The following HECTD4 variants were observed in gnomAD, a reference collection of about 807,000 sequenced individuals.
HECTD4 encodes the protein HECT domain E3 ubiquitin protein ligase 4.
In HECTD4, 114 loss-of-function variants were observed where a neutral mutation model predicts 471.5. The observed-to-expected ratio is 0.24, with a 90% confidence interval of 0.21 to 0.28. The LOEUF (loss-of-function observed/expected upper bound fraction) is 0.28, where lower values mean the gene tolerates loss of function less well. Among genes scored for constraint, HECTD4 ranks in the 10% least tolerant of loss-of-function variants. The pLI, the probability that HECTD4 is intolerant of heterozygous loss-of-function variation, is 1.00. For synonymous variants in HECTD4, 2,012 were observed against 2,256.0 expected (o/e 0.89, Z 3.07); for missense variants, 3,866 against 5,651.5 (o/e 0.68, Z 10.13).
Position 112,224,060 on chromosome 12 carries a change from C to CT in HECTD4, c.6970+2582dup, listed in dbSNP as rs768322511. The stretch of plus-strand genomic sequence containing the variant: ...TTTCTACCTACTCCTCACCTTGAAT[C>CT]TTATTTATTAAACAGCTTTTCTCCT... On this transcript the variant is annotated intron_variant, in intron 44 of 75. Coordinates refer to ENST00000682272, the MANE Select transcript of HECTD4 (RefSeq NM_001388303.1). Among the ~76,000 whole-genome samples the CT allele has an allele frequency of 2.0e-5, 3 of 152,172 alleles. No individual in the cohort carries two copies. In the South Asian group the frequency reaches 6.2e-4, roughly 32 times the overall value.
intron 1 of HECTD4, among the ~76,000 whole-genome samples, chr12:112,359,155 C>G (rs1241763867): frequency 6.6e-6 from 1 of 151,670 alleles, no homozygotes. Flanking sequence ...TGCACTCCAG[C>G]CTGGGCAACA....
At chr12:112,241,521 G>T (rs2033641814) in intron 32 of HECTD4, among the ~76,000 whole-genome samples, 1 of 152,140 alleles carries the variant, frequency 6.6e-6, no homozygotes, top group African/African-American at 2.4e-5. Context: ...GTGCAGGGTG[G>T]TGCGATCACA....
rs2030992248 is a variant in HECTD4 at position 112,166,976 on chromosome 12, GA to G, written c.12534+340del. On this transcript the variant is annotated intron_variant, in intron 72 of 75. Coordinates refer to ENST00000682272, the MANE Select transcript of HECTD4 (RefSeq NM_001388303.1). This position sits in a 1 kb window ranked among gnomAD's most constrained non-coding sequence, Gnocchi z 4.6. ...GCTGACTCCTGTGCTCTGAGTCCCT[GA>G]AAAAACTCTTAACCTTCACCCCTAC... is the stretch of plus-strand genomic sequence containing the variant. 1.5e-5 allele frequency: 3 copies of G among 206,612 alleles called. No individual in the cohort carries two copies. The South Asian group carries it at 4.0e-4, about 27-fold the overall frequency. The allele number at this position is 206,612 out of a possible 1,614,324, so 12.8% of individuals were successfully genotyped here.
chr12:112,347,871 T>C (rs1220204099), intron 1 of HECTD4, among the ~76,000 whole-genome samples: 1 of 152,216 alleles, frequency 6.6e-6, no homozygotes, highest in African/African-American at 2.4e-5. Flanking sequence ...CCAGATGAAC[T>C]GTACACACAT....
In HECTD4 at chr12:112,248,051, C is replaced by G; in HGVS notation, c.4248+16G>C. The G allele has an allele frequency of 6.3e-7, 1 of 1,586,874 alleles. No individual in the cohort carries two copies. Among genetic ancestry groups the G allele is most frequent in the Non-Finnish European group, 8.6e-7 (1 of 1,158,234 alleles). On this transcript the variant is annotated intron_variant, in intron 27 of 75. Coordinates refer to ENST00000682272, the MANE Select transcript of HECTD4 (RefSeq NM_001388303.1). ...AAATGGCAATACCCCAGTGACAAAT[C>G]ATACAATTTGCTCACCTCATTAAAA...
chr12:112,252,973 C>A (rs955749659), intron 22 of HECTD4, among the ~76,000 whole-genome samples: 1 of 151,904 alleles, frequency 6.6e-6, no homozygotes, highest in East Asian at 1.9e-4. Context: ...CCATGCCCAG[C>A]TAATTTTTTT....
chr12:112,253,972 T>C, intron 22 of HECTD4, 71 bp downstream of exon 22: 4 of 1,538,636 alleles, frequency 2.6e-6, no homozygotes, highest in Non-Finnish European at 3.6e-6. Context: ...GGATTACAGT[T>C]AGTACTTGGA....
At position 112,235,356 on chromosome 12, in the gene HECTD4, A is replaced by C; in HGVS notation, c.5726-90T>G. 6.7e-7 allele frequency: 1 copy of C among 1,500,684 alleles called. No individual in the cohort carries two copies. Among genetic ancestry groups the C allele is most frequent in the East Asian group, 2.3e-5 (1 of 44,120 alleles). The allele number at this position is 1,500,684 out of a possible 1,614,324, so 93.0% of individuals were successfully genotyped here. A position where few individuals can be genotyped will look rare whatever the true frequency, so the allele number is the denominator to read the frequency against. On this transcript the variant is annotated intron_variant, in intron 36 of 75. Transcript: ENST00000682272. The surrounding 1 kb of genome is among the most constrained non-coding windows in gnomAD (Gnocchi z 5.0). ...TGAAAAATAATGGTTTGGGATTTGG[A>C]ATCTTTCTTCCCCCTTCTCTATTCC... is the stretch of plus-strand genomic sequence containing the variant.
At chr12:112,327,734 A>G (rs1000881008) in intron 1 of HECTD4, among the ~76,000 whole-genome samples, 1 of 152,240 alleles carries the variant, frequency 6.6e-6, no homozygotes, top group Non-Finnish European at 1.5e-5. Flanking sequence ...AAATGGTGAC[A>G]CAAGTACCAC....
At chr12:112,288,577 G>A (rs2034807930) in intron 7 of HECTD4, among the ~76,000 whole-genome samples, 1 of 152,116 alleles carries the variant, frequency 6.6e-6, no homozygotes, top group African/African-American at 2.4e-5. Context: ...AGTGAGCAGA[G>A]ATAGTAGCAC....
intron 7 of HECTD4, among the ~76,000 whole-genome samples, chr12:112,298,482 T>G (rs1022354289): frequency 7.0e-6 from 1 of 143,746 alleles, no homozygotes; most frequent in Non-Finnish European, 1.5e-5. Context: ...TTATATTAAT[T>G]TTTTTTTTTT....
chr12:112,347,675 T>C (rs1336295766), intron 1 of HECTD4, among the ~76,000 whole-genome samples: 2 of 152,260 alleles, frequency 1.3e-5, no homozygotes, highest in African/African-American at 4.8e-5. Flanking sequence ...AGTGGAGCTA[T>C]GATTCACAAC....
chr12:112,261,544 A>C (rs775097363), intron 17 of HECTD4, 115 bp from the exon 18 acceptor site: 8 of 1,109,694 alleles, frequency 7.2e-6, no homozygotes, highest in Non-Finnish European at 1.0e-5. Context: ...AATGAGGTGG[A>C]CAGAATAAGC....
intron 66 of HECTD4, among the ~76,000 whole-genome samples, chr12:112,175,119 T>G (rs1283552897): frequency 6.6e-6 from 1 of 152,192 alleles, no homozygotes; most frequent in Non-Finnish European, 1.5e-5. Flanking sequence ...GATAAGGTTC[T>G]TTGGGGTAAG....
chr12:112,274,811 A>C (rs1177701295), intron 10 of HECTD4, 36 bp downstream of exon 10: 12 of 1,344,586 alleles, frequency 8.9e-6, no homozygotes, highest in Non-Finnish European at 1.2e-5. Context: ...CTAAAACTTG[A>C]AATTTTCCAA....
Position 112,247,492 on chromosome 12 carries a change from T to C in HECTD4, c.4307A>G (p.Asn1436Ser). Residue 1436 changes from asparagine to serine, a missense_variant, in exon 28 of 76, where the codon AAT becomes AGT. Asn to Ser is a conservative substitution (Grantham distance 46). Transcript: ENST00000682272. The part of the protein sequence containing the change: ...CSMKEVSFDG[N>S]DLENMVLSLR... ...TGATAGGACCATGTTTTCAAGATCA[T>C]TCCCATCAAAGGAGACTTCCTTCAT... The C allele has an allele frequency of 6.5e-7, 1 of 1,543,148 alleles. No homozygotes were observed. The highest frequency in any genetic ancestry group is 2.0e-5 in the Admixed American group (1 of 49,952).
In HECTD4 at chr12:112,208,637, C is replaced by G. The variant is rs746131613; in HGVS notation, c.7868-7G>C. 2 of 1,562,566 alleles carry G rather than the reference C, an allele frequency of 1.3e-6. No homozygotes were observed. Among genetic ancestry groups the G allele is most frequent in the South Asian group, 2.5e-5 (2 of 81,230 alleles). ...GAGGTGTCACTATCATATTCTGTAACAGAGCACAAGGACAGCGAATTCTAA... is the reference window on the plus strand; with the variant it reads ...GAGGTGTCACTATCATATTCTGTAAGAGAGCACAAGGACAGCGAATTCTAA... On this transcript the variant is annotated splice_polypyrimidine_tract_variant and splice_region_variant and intron_variant, in intron 50 of 75. Transcript: ENST00000682272.
chr12:112,331,487 G>T (rs867935787), intron 1 of HECTD4, among the ~76,000 whole-genome samples: 11 of 152,086 alleles, frequency 7.2e-5, no homozygotes, highest in African/African-American at 2.7e-4. Flanking sequence ...CCTCCCCTTA[G>T]GCATTTTACT....
intron 7 of HECTD4, among the ~76,000 whole-genome samples, chr12:112,290,200 G>A (rs1481537535): frequency 6.6e-6 from 1 of 151,792 alleles, no homozygotes; most frequent in Non-Finnish European, 1.5e-5. Context: ...GTGTGCCTGT[G>A]GTCCCAGCTA....
Sources: gnomAD v4.1 joint callset for allele counts (sites outside exome capture counted in the v4.1 genomes callset) on GRCh38, gnomAD v4.1.1 for gene constraint, Gnocchi (gnomAD v3.1) non-coding constraint, MANE v1.5 for transcripts, NCBI Gene and HGNC (gene_info 2026-07-23, HGNC 2026-07-21) for gene names.